PKIB: variants seen among roughly 807,000 people sequenced by gnomAD.
PKIB encodes the protein cAMP-dependent protein kinase inhibitor beta.
A neutral mutation model predicts 4.5 loss-of-function variants in PKIB; 2 were observed. The observed-to-expected ratio is 0.44, with a 90% confidence interval of 0.18 to 1.39. The LOEUF is 1.39. Among genes scored for constraint, PKIB ranks in the 40% most tolerant of loss-of-function variants. PKIB has a pLI of 0.27. For synonymous variants in PKIB, 38 were observed against 36.0 expected (o/e 1.06, Z -0.20); for missense variants, 94 against 92.6 (o/e 1.02, Z -0.06).
At chr6:122,501,609 G>T (rs1331423031) in intron 2 of PKIB, among the ~76,000 whole-genome samples, 1 of 152,194 alleles carries the variant, frequency 6.6e-6, no homozygotes, top group Non-Finnish European at 1.5e-5. Context: ...GGGATGCAGG[G>T]TGCCATGTCC....
upstream of PKIB, among the ~76,000 whole-genome samples, chr6:122,605,474 G>T (rs558841694): frequency 6.6e-6 from 1 of 152,244 alleles, no homozygotes; most frequent in East Asian, 1.9e-4. Flanking sequence ...CCCTCTCTAA[G>T]GATTTAAAAA....
At chr6:122,534,468 A>AAAAGATCT (rs1302467684) in intron 2 of PKIB, among the ~76,000 whole-genome samples, 1 of 152,046 alleles carries the variant, frequency 6.6e-6, no homozygotes, top group Non-Finnish European at 1.5e-5. Flanking sequence ...ATCCAGCGTA[A>AAAAGATCT]AAAGATCTCG....
At chr6:122,644,538 A>T in intron 2 of PKIB, 1 of 152,154 alleles carries the variant, frequency 6.6e-6, no homozygotes, top group East Asian at 1.9e-4. Flanking sequence ...TGTAAATGGT[A>T]TTAATATTAG....
At chr6:122,614,076 A>G (rs1774881407) in intron 1 of PKIB, among the ~76,000 whole-genome samples, 1 of 151,962 alleles carries the variant, frequency 6.6e-6, no homozygotes, top group African/African-American at 2.4e-5. Flanking sequence ...TAGCAGTATT[A>G]TGTGCCCAGA....
intron 2 of PKIB, chr6:122,493,229 G>A (rs1397582072): frequency 6.6e-6 from 1 of 152,134 alleles, no homozygotes; most frequent in Non-Finnish European, 1.5e-5. Flanking sequence ...TAGGAGTTAG[G>A]ACCTTTGGGA....
intron 3 of PKIB, among the ~76,000 whole-genome samples, chr6:122,592,709 C>T (rs1159679915): frequency 2.0e-5 from 3 of 152,086 alleles, no homozygotes; most frequent in Non-Finnish European, 2.9e-5. Context: ...CTTTGTTAAC[C>T]TAGAGTAAAA....
At chr6:122,666,055 G>A (rs1777209877) in intron 2 of PKIB, among the ~76,000 whole-genome samples, 1 of 152,180 alleles carries the variant, frequency 6.6e-6, no homozygotes, top group South Asian at 2.1e-4. Flanking sequence ...AATGTGAGCC[G>A]AGTTTCCCCA....
intron 2 of PKIB, among the ~76,000 whole-genome samples, chr6:122,559,408 T>G (rs1772951246): frequency 6.6e-6 from 1 of 152,150 alleles, no homozygotes. Context: ...TGTGTGCCTA[T>G]TTCTATCCCA....
intron 3 of PKIB, among the ~76,000 whole-genome samples, chr6:122,599,785 C>T (rs1331555518): frequency 6.6e-6 from 1 of 152,122 alleles, no homozygotes; most frequent in East Asian, 1.9e-4. Flanking sequence ...TAAGCACTAT[C>T]AGTGTTCTCT....
At chr6:122,656,477 A>G (rs1344330132) in intron 2 of PKIB, among the ~76,000 whole-genome samples, 3 of 152,202 alleles carry the variant, frequency 2.0e-5, no homozygotes, top group Non-Finnish European at 4.4e-5. Flanking sequence ...GTGCTAAGAA[A>G]TTGTTCCCAT....
At chr6:122,600,323 C>T (rs1348694993) in intron 3 of PKIB, among the ~76,000 whole-genome samples, 1 of 152,168 alleles carries the variant, frequency 6.6e-6, no homozygotes, top group Non-Finnish European at 1.5e-5. Flanking sequence ...TTTCCCAGCC[C>T]ACTGACTCAA....
intron 2 of PKIB, among the ~76,000 whole-genome samples, chr6:122,511,049 TTAG>T (rs1196586016): frequency 6.6e-6 from 1 of 152,146 alleles, no homozygotes; most frequent in Admixed American, 6.5e-5. Flanking sequence ...TTGTTAGTAC[TTAG>T]TAGACGTGGT....
rs374019802 is a variant in PKIB at position 122,578,849 on chromosome 6, G to T, written c.-247-7072G>T. Among the ~76,000 whole-genome samples, 6 of 152,240 alleles carry T rather than the reference G, an allele frequency of 3.9e-5. No homozygotes were observed. The East Asian group carries it at 1.2e-3, about 29-fold the overall frequency. On this transcript the variant is annotated intron_variant, in intron 2 of 6. Transcript: ENST00000392491. ...TGGGGTCAGTTACCCTCATGCTGTT[G>T]TTCTCATGATAGTAAGTGAGTTCTC... is the stretch of plus-strand genomic sequence containing the variant.
chr6:122,471,971 C>G, exon 1 of PKIB: 1 of 990,394 alleles, frequency 1.0e-6, no homozygotes, highest in African/African-American at 1.6e-5. Flanking sequence ...TGGAGAATTT[C>G]TCAAGGACTG....
At chr6:122,723,468 C>T (rs1779820120) in intron 4 of PKIB, among the ~76,000 whole-genome samples, 2 of 152,078 alleles carry the variant, frequency 1.3e-5, no homozygotes, top group Admixed American at 1.3e-4. Flanking sequence ...CCTTTTCTCC[C>T]CTCTTTTTCT....
chr6:122,506,694 A>ATT (rs35341464), intron 2 of PKIB, among the ~76,000 whole-genome samples: 562 of 116,392 alleles, frequency 4.8e-3, no homozygotes, highest in East Asian at 9.8e-3. Flanking sequence ...TGGAGATGTA[A>ATT]TTTTTTTTTT....
At chr6:122,657,478 T>A (rs558302919) in intron 2 of PKIB, among the ~76,000 whole-genome samples, 2 of 152,348 alleles carry the variant, frequency 1.3e-5, no homozygotes, top group South Asian at 4.1e-4. Flanking sequence ...TTTATTGGTG[T>A]CAATGATAGA....
At chr6:122,638,545 A>G (rs2114842052) in intron 2 of PKIB, among the ~76,000 whole-genome samples, 1 of 152,338 alleles carries the variant, frequency 6.6e-6, no homozygotes, top group African/African-American at 2.4e-5. Context: ...CTCAGCTGAC[A>G]GGGAATCTGC....
chr6:122,711,832 A>G (rs186755255), intron 3 of PKIB, among the ~76,000 whole-genome samples: 31 of 152,292 alleles, frequency 2.0e-4, no homozygotes, highest in African/African-American at 7.5e-4. Context: ...TATATGTTTA[A>G]GCTGTCAAAA....
Sources: gnomAD v4.1 joint callset for allele counts (sites outside exome capture counted in the v4.1 genomes callset) on GRCh38, gnomAD v4.1.1 for gene constraint, MANE v1.5 for transcripts, NCBI Gene and HGNC (gene_info 2026-07-23, HGNC 2026-07-21) for gene names.